DPP10: variants seen among roughly 807,000 people sequenced by gnomAD.
DPP10 encodes the protein inactive dipeptidyl peptidase 10.
In DPP10, 33 loss-of-function variants were observed where a neutral mutation model predicts 120.9. The observed-to-expected ratio is 0.27, with a 90% CI of 0.21 to 0.37. The LOEUF is 0.37. DPP10 is among the 10% of genes least tolerant of loss of function. The probability of loss-of-function intolerance (pLI) is 1.00; values close to 1 mark genes in which losing one functional copy is unlikely to be tolerated. For synonymous variants in DPP10, 337 were observed against 326.1 expected, an observed-to-expected ratio of 1.03 and a Z score of -0.36; for missense variants, 816 against 942.8, an observed-to-expected ratio of 0.87 and a Z score of 1.76.
intron 1 of DPP10, among the ~76,000 whole-genome samples, chr2:115,029,102 A>G (rs1017389384): frequency 4.0e-5 from 6 of 151,476 alleles, no homozygotes; most frequent in African/African-American, 1.5e-4. Flanking sequence ...TTTGTTGCTT[A>G]TTTTCTGGCT....
At chr2:115,713,723 C>A (rs775320156) in intron 7 of DPP10, among the ~76,000 whole-genome samples, 2 of 152,130 alleles carry the variant, frequency 1.3e-5, no homozygotes, top group Admixed American at 6.5e-5. Context: ...GGGTGTACTT[C>A]CTCAATTCTC....
In DPP10 at chr2:115,805,798, C is replaced by A. The variant is rs6738280; in HGVS notation, c.1701-8995C>A. Among the ~76,000 whole-genome samples, 931 of 152,212 alleles carry A rather than the reference C, an allele frequency of 6.1e-3. 14 individuals carry two copies. The highest frequency in any genetic ancestry group is 0.018 in the African/African-American group (733 of 41,544). On this transcript the variant is annotated intron_variant, in intron 19 of 25. Transcript: ENST00000410059. ...CCACGTTGGCCTGACTGGTCTCAAA[C>A]TCCTGACCTCAGGTGGTCCGCCTGC...
At chr2:115,526,982 G>A (rs913331947) in intron 5 of DPP10, among the ~76,000 whole-genome samples, 1 of 152,026 alleles carries the variant, frequency 6.6e-6, no homozygotes, top group African/African-American at 2.4e-5. Context: ...TTGGGATTTT[G>A]TAAGTCATAT....
At chr2:114,788,906 G>C (rs1683002665) in intron 1 of DPP10, among the ~76,000 whole-genome samples, 1 of 152,098 alleles carries the variant, frequency 6.6e-6, no homozygotes, top group South Asian at 2.1e-4. Flanking sequence ...TGTTTAGCAA[G>C]CAAAGCATTT....
At chr2:115,360,926 T>G (rs746877977) in intron 3 of DPP10, among the ~76,000 whole-genome samples, 2 of 151,990 alleles carry the variant, frequency 1.3e-5, no homozygotes, top group Non-Finnish European at 2.9e-5. Context: ...GGCCTAGAGT[T>G]TTTTGCCCAG....
chr2:115,032,636 T>A (rs531500442), intron 1 of DPP10, among the ~76,000 whole-genome samples: 1 of 151,928 alleles, frequency 6.6e-6, no homozygotes. Context: ...ATCCCAGCAC[T>A]TTGGGAGGCC....
Position 114,580,727 on chromosome 2 carries a change from T to C in DPP10, c.60+137889T>C, listed in dbSNP as rs1422331704. 2.6e-5 allele frequency among the ~76,000 whole-genome samples: 4 copies of C among 151,976 alleles called. 1 individual carries two copies. Among genetic ancestry groups the C allele is most frequent in the Non-Finnish European group, 5.9e-5 (4 of 67,964 alleles). The stretch of plus-strand genomic sequence containing the variant: ...CATTAATCATATCACATCTGTTTTT[T>C]TTTTTTTTTTCGGAGACCTCCAACA... On this transcript the variant is annotated intron_variant, in intron 1 of 25. Coordinates refer to ENST00000410059, the MANE Select transcript of DPP10 (RefSeq NM_020868.6).
intron 5 of DPP10, among the ~76,000 whole-genome samples, chr2:115,584,118 A>T (rs546883026): frequency 6.6e-6 from 1 of 152,314 alleles, no homozygotes; most frequent in African/African-American, 2.4e-5. Flanking sequence ...ATTCTGTATC[A>T]TGTTGACCAT....
At chr2:115,583,697 C>T (rs2082128796) in intron 5 of DPP10, among the ~76,000 whole-genome samples, 1 of 152,150 alleles carries the variant, frequency 6.6e-6, no homozygotes, top group Non-Finnish European at 1.5e-5. Flanking sequence ...AGTCACATGC[C>T]TGTTCAGATT....
chr2:115,274,511 G>A (rs2059829468), intron 1 of DPP10, among the ~76,000 whole-genome samples: 1 of 151,964 alleles, frequency 6.6e-6, no homozygotes, highest in Non-Finnish European at 1.5e-5. Context: ...AGCTCTGATG[G>A]GAAGAATTGT....
At chr2:114,716,254 C>G (rs944456312) in intron 1 of DPP10, among the ~76,000 whole-genome samples, 4 of 151,824 alleles carry the variant, frequency 2.6e-5, no homozygotes, top group Non-Finnish European at 5.9e-5. Context: ...AATTGCATAC[C>G]GAAATGTTTG....
chr2:114,725,895 G>T (rs181928390), intron 1 of DPP10, among the ~76,000 whole-genome samples: 1 of 152,210 alleles, frequency 6.6e-6, no homozygotes, highest in East Asian at 1.9e-4. Flanking sequence ...ACATTTTAGA[G>T]ACCCAATGTG....
At chr2:115,571,339 T>G (rs1007929010) in intron 5 of DPP10, among the ~76,000 whole-genome samples, 2 of 152,172 alleles carry the variant, frequency 1.3e-5, no homozygotes, top group Non-Finnish European at 2.9e-5. Context: ...ACCCAGGTAC[T>G]GAACATAGTA....
At chr2:114,913,394 T>G (rs2106635611) in intron 1 of DPP10, among the ~76,000 whole-genome samples, 1 of 152,220 alleles carries the variant, frequency 6.6e-6, no homozygotes, top group South Asian at 2.1e-4. Flanking sequence ...GGTCCTCCAG[T>G]GCAGGAAGTG....
At chr2:114,613,394 C>T (rs188984624) in intron 1 of DPP10, among the ~76,000 whole-genome samples, 41 of 152,132 alleles carry the variant, frequency 2.7e-4, no homozygotes, top group Admixed American at 8.5e-4. Context: ...TTGAGAGGGG[C>T]GGAGTTGGAA....
intron 3 of DPP10, among the ~76,000 whole-genome samples, chr2:115,483,890 T>C (rs1240381556): frequency 6.6e-6 from 1 of 152,074 alleles, no homozygotes; most frequent in Non-Finnish European, 1.5e-5. Context: ...GCTGCCAACA[T>C]GTTTTTCCCC....
At chr2:114,663,689 A>G (rs1387609240) in intron 1 of DPP10, among the ~76,000 whole-genome samples, 1 of 143,878 alleles carries the variant, frequency 7.0e-6, no homozygotes, top group Non-Finnish European at 1.5e-5. Context: ...AGAGAGAGAG[A>G]GAGAGAGAAA....
intron 1 of DPP10, among the ~76,000 whole-genome samples, chr2:114,494,116 A>AAAAAC (rs1682271457): frequency 1.2e-5 from 1 of 86,088 alleles, no homozygotes; most frequent in African/African-American, 2.8e-5. Context: ...AAAAAAAAAA[A>AAAAAC]AAAAACCCAG....
chr2:115,454,777 G>T (rs1422817227), intron 3 of DPP10, among the ~76,000 whole-genome samples: 2 of 151,430 alleles, frequency 1.3e-5, no homozygotes. Flanking sequence ...AAAGAGAAAT[G>T]TACAATTATT....
Sources: gnomAD v4.1 joint callset for allele counts (sites outside exome capture counted in the v4.1 genomes callset) on GRCh38, gnomAD v4.1.1 for gene constraint, MANE v1.5 for transcripts, NCBI Gene and HGNC (gene_info 2026-07-23, HGNC 2026-07-21) for gene names.